The following STK3 variants were observed in gnomAD, a reference collection of about 807,000 sequenced individuals.
STK3 encodes the protein serine/threonine kinase 3.
Under a neutral mutation model 58.0 loss-of-function variants are expected in STK3, and 41 were observed. That is an observed-to-expected ratio of 0.71 (90% CI 0.55 to 0.92). STK3 has a LOEUF of 0.92. Ranked by LOEUF, STK3 falls within the 40% of genes least tolerant of loss-of-function variation. STK3 has a pLI of 0.00. For missense variants in STK3, 479 were observed against 602.7 expected (o/e 0.79, Z 2.15); for synonymous variants, 170 against 191.0 (o/e 0.89, Z 0.91).
At chr8:98,381,927 A>T (rs1282678181) in intron 1 of STK3, among the ~76,000 whole-genome samples, 4 of 152,166 alleles carry the variant, frequency 2.6e-5, no homozygotes. Flanking sequence ...AGATTTTTCC[A>T]TTCATTTTGC....
chr8:98,856,458 T>C (rs1428539541), intron 3 of STK3, among the ~76,000 whole-genome samples: 1 of 152,184 alleles, frequency 6.6e-6, no homozygotes, highest in African/African-American at 2.4e-5. Context: ...GAAAAAATGG[T>C]TGACATCATT....
intron 4 of STK3, among the ~76,000 whole-genome samples, chr8:98,740,570 G>C (rs1829107962): frequency 6.6e-6 from 1 of 152,158 alleles, no homozygotes; most frequent in Admixed American, 6.5e-5. Context: ...CACCAGGCGT[G>C]CCCTAAAAGA....
intron 3 of STK3, among the ~76,000 whole-genome samples, chr8:98,848,745 C>T (rs775820015): frequency 6.6e-6 from 1 of 152,102 alleles, no homozygotes; most frequent in Non-Finnish European, 1.5e-5. Flanking sequence ...CTCAACCATT[C>T]ATTAGTTGGT....
chr8:98,380,963 C>CT lies in STK3; in HGVS notation n.57-1757dup, dbSNP rs33934435. Reference sequence around the variant, plus strand: ...TTTAATTAATTAATTTCTCTCTCTCCTTTTTTTTTTTTTTTTTTTTTTTTT... The same window carrying CT: ...TTTAATTAATTAATTTCTCTCTCTCCTTTTTTTTTTTTTTTTTTTTTTTTTT... On this transcript the variant is annotated intron_variant and non_coding_transcript_variant, in intron 1 of 2. Coordinates refer to the STK3 transcript ENST00000518704. 6.6e-3 allele frequency among the ~76,000 whole-genome samples: 291 copies of CT among 44,128 alleles called. 19 individuals are homozygous for CT. The highest frequency in any genetic ancestry group is 0.019 in the African/African-American group (213 of 11,058). 28.9% of individuals were successfully genotyped at this position (44,128 alleles called of 152,430 possible). A position where few individuals can be genotyped will look rare whatever the true frequency, so the allele number is the denominator to read the frequency against.
intron 3 of STK3, among the ~76,000 whole-genome samples, chr8:98,876,095 C>G (rs1031364672): frequency 6.6e-6 from 1 of 152,192 alleles, no homozygotes; most frequent in Non-Finnish European, 1.5e-5. Flanking sequence ...TTCCCCAGGA[C>G]CACTGCTCCC....
downstream of STK3, chr8:98,879,053 C>T (rs117023476): frequency 0.069 from 10,445 of 151,964 alleles, 435 homozygotes; most frequent in South Asian, 0.1. Context: ...TGTGAGCCAC[C>T]GCGCCCGGCC....
At chr8:98,349,955 A>G in the STK3 span, among the ~76,000 whole-genome samples, 1 of 151,008 alleles carries the variant, frequency 6.6e-6, no homozygotes, top group Non-Finnish European at 1.5e-5. Flanking sequence ...CATTTTCCAC[A>G]TTGTCTTGGT....
chr8:98,678,971 G>C (rs1056153739), intron 6 of STK3, among the ~76,000 whole-genome samples: 1 of 152,120 alleles, frequency 6.6e-6, no homozygotes, highest in African/African-American at 2.4e-5. Context: ...ATCTTTCAAA[G>C]CTGTGCAGAG....
chr8:98,775,083 T>C (rs1346904730), intron 1 of STK3, among the ~76,000 whole-genome samples: 1 of 152,168 alleles, frequency 6.6e-6, no homozygotes, highest in Non-Finnish European at 1.5e-5. Context: ...TTCCTCCCCT[T>C]TGAATATATA....
intron 2 of STK3, among the ~76,000 whole-genome samples, chr8:98,435,125 A>T (rs1334623365): frequency 6.6e-6 from 1 of 152,216 alleles, no homozygotes; most frequent in African/African-American, 2.4e-5. Context: ...GAAGGGGGCA[A>T]TGAGGACACG....
At position 98,572,786 on chromosome 8, in the gene STK3, A is replaced by G. The variant is rs143209975; in HGVS notation, c.948+6878T>C. Among the ~76,000 whole-genome samples, 115 of 152,326 alleles carry G rather than the reference A, an allele frequency of 7.5e-4. No individual in the cohort carries two copies. In the East Asian group the frequency reaches 0.021, roughly 27 times the overall value. Reference sequence around the variant, plus strand: ...CAAAATGGAAGCTACTGCCTGAAAAAATAATCTGAAGAAAGCATGTGAATA... The same window carrying G: ...CAAAATGGAAGCTACTGCCTGAAAAGATAATCTGAAGAAAGCATGTGAATA... On this transcript the variant is annotated intron_variant, in intron 8 of 10. Coordinates refer to ENST00000419617, the MANE Select transcript of STK3 (RefSeq NM_006281.4).
chr8:98,357,516 G>A, the STK3 span, among the ~76,000 whole-genome samples: 1 of 152,238 alleles, frequency 6.6e-6, no homozygotes, highest in Admixed American at 6.5e-5. Context: ...CACCATGGTT[G>A]GAGGTGTAAG....
At chr8:98,528,575 C>T (rs1251489819) in intron 9 of STK3, among the ~76,000 whole-genome samples, 1 of 152,158 alleles carries the variant, frequency 6.6e-6, no homozygotes, top group Non-Finnish European at 1.5e-5. Flanking sequence ...CAACCTCCGC[C>T]TCCTGAGTTC....
chr8:98,650,619 G>T (rs1288955313), intron 6 of STK3, among the ~76,000 whole-genome samples: 2 of 152,348 alleles, frequency 1.3e-5, no homozygotes, highest in Middle Eastern at 3.4e-3. Flanking sequence ...ACCTGGAAAA[G>T]CGGGTCACTC....
intron 1 of STK3, among the ~76,000 whole-genome samples, chr8:98,788,186 A>C (rs1176559402): frequency 6.6e-6 from 1 of 152,102 alleles, no homozygotes; most frequent in African/African-American, 2.4e-5. Context: ...TCACGGGGGT[A>C]ATCTCAATAC....
At chr8:98,522,042 T>C (rs1335621558) in intron 10 of STK3, among the ~76,000 whole-genome samples, 2 of 152,226 alleles carry the variant, frequency 1.3e-5, no homozygotes, top group African/African-American at 4.8e-5. Flanking sequence ...AAATATTTGT[T>C]AAATTAGCTT....
chr8:98,425,015 A>G (rs1421388021), intron 3 of STK3, among the ~76,000 whole-genome samples: 1 of 152,200 alleles, frequency 6.6e-6, no homozygotes, highest in Non-Finnish European at 1.5e-5. Flanking sequence ...GACACCTTGC[A>G]GCCACCATCA....
At chr8:98,707,393 T>C in intron 4 of STK3, 82 bp from the exon 5 acceptor site, 12 of 1,071,490 alleles carry the variant, frequency 1.1e-5, no homozygotes, top group Non-Finnish European at 1.6e-5. Context: ...AACAAGTATG[T>C]CTTTCCGTGT....
At chr8:98,485,714 T>C (rs143066120) in intron 10 of STK3, among the ~76,000 whole-genome samples, 15 of 152,138 alleles carry the variant, frequency 9.9e-5, no homozygotes, top group African/African-American at 3.1e-4. Flanking sequence ...GCCATGTACA[T>C]GTGAAGGATA....
Sources: allele counts gnomAD v4.1 joint callset (sites outside exome capture counted in the v4.1 genomes callset), GRCh38; gene constraint gnomAD v4.1.1; transcripts MANE v1.5; gene names NCBI Gene and HGNC (gene_info 2026-07-23, HGNC 2026-07-21).